The following CPS1 variants were observed in gnomAD, a reference collection of about 807,000 sequenced individuals.
CPS1 encodes carbamoyl-phosphate synthase 1.
Under a neutral mutation model 174.6 loss-of-function variants are expected in CPS1, and 109 were observed. The observed-to-expected ratio is 0.62, with a 90% CI of 0.53 to 0.73. The LOEUF (loss-of-function observed/expected upper bound fraction) is 0.73. Ranked by LOEUF, CPS1 falls within the 30% of genes least tolerant of loss-of-function variation. CPS1 has a pLI of 0.00. For missense variants in CPS1, 1,689 were observed against 1,821.9 expected (o/e 0.93, Z 1.33); for synonymous variants, 637 against 632.0 (o/e 1.01, Z -0.12).
At chr2:210,637,926 T>G in intron 22 of CPS1, 83 bp downstream of exon 22, 1 of 1,486,170 alleles carries the variant, frequency 6.7e-7, no homozygotes. Context: ...AAGGCCATTG[T>G]TAATAAAAAG....
At chr2:210,576,205 C>T (rs780891699) in intron 2 of CPS1, 141 bp from the exon 3 acceptor site, 23 of 970,376 alleles carry the variant, frequency 2.4e-5, no homozygotes, top group Non-Finnish European at 3.6e-5. Flanking sequence ...ATAACATTTC[C>T]CCAGGTACGT....
chr2:210,640,103 T>C (rs1308701914), intron 24 of CPS1, 44 bp downstream of exon 24: 1 of 1,187,346 alleles, frequency 8.4e-7, no homozygotes, highest in Non-Finnish European at 1.3e-6. Context: ...ACACAATTTA[T>C]ATAGTTTTCT....
At chr2:210,553,513 G>A (rs192422606), upstream of CPS1, among the ~76,000 whole-genome samples, 20 of 151,176 alleles carry the variant, frequency 1.3e-4, no homozygotes, top group Middle Eastern at 3.4e-3. Context: ...ATCAGAGAGT[G>A]ACTCATAAGT....
At position 210,599,493 on chromosome 2, in the gene CPS1, A is replaced by G. The variant is rs757500619; in HGVS notation, c.1481A>G (p.Glu494Gly). 2.5e-6 allele frequency: 4 copies of G among 1,612,610 alleles called. No individual in the cohort carries two copies. The highest frequency in any genetic ancestry group is 3.4e-6 in the Non-Finnish European group (4 of 1,179,080). The part of the protein sequence containing the change: ...FLPITPQFVT[E>G]VIKAEQPDGL... ...CCCATCACCCCTCAGTTTGTCACAG[A>G]GGTCATCAAGGCAGAACAGCCAGAT... The change falls in exon 14 of 38, where the codon GAG becomes GGG. Residue 494 changes from glutamate (E) to glycine (G), a missense_variant. Coordinates refer to ENST00000233072, the MANE Select transcript of CPS1 (RefSeq NM_001875.5).
intron 20 of CPS1, among the ~76,000 whole-genome samples, chr2:210,613,592 T>A (rs1009366119): frequency 6.6e-6 from 1 of 151,772 alleles, no homozygotes; most frequent in African/African-American, 2.4e-5. Flanking sequence ...ATATATAAAA[T>A]TTTTTTCTCA....
intron 1 of CPS1, among the ~76,000 whole-genome samples, chr2:210,496,726 C>T (rs1307368721): frequency 6.6e-6 from 1 of 152,288 alleles, no homozygotes; most frequent in African/African-American, 2.4e-5. Flanking sequence ...AGGCACACTT[C>T]CTCCTCAGGG....
At chr2:210,610,677 C>T (rs1574589649) in intron 19 of CPS1, among the ~76,000 whole-genome samples, 3 of 151,872 alleles carry the variant, frequency 2.0e-5, no homozygotes, top group Middle Eastern at 6.8e-3. Context: ...ACGACTTGAG[C>T]CCAGGGGGTC....
Position 210,677,954 on chromosome 2 carries a change from A to G in CPS1, c.4472A>G (p.Tyr1491Cys). 6.2e-7 allele frequency: 1 copy of G among 1,614,062 alleles called. No homozygotes were observed. Among genetic ancestry groups the G allele is most frequent in the Non-Finnish European group, 8.5e-7 (1 of 1,179,914 alleles). Residue 1491 changes from tyrosine (Y) to cysteine (C), a missense_variant, in exon 38 of 38, where the codon TAC becomes TGC. By Grantham distance (194) the Tyr-to-Cys change is radical. Coordinates refer to ENST00000233072, the MANE Select transcript of CPS1 (RefSeq NM_001875.5). ...RKVDSKSLFH[Y>C]RQYSAGKAA Reference sequence around the variant, plus strand: ...GTGGACTCCAAGAGTCTTTTCCACTACAGGCAGTACAGTGCTGGAAAAGCA... The same window carrying G: ...GTGGACTCCAAGAGTCTTTTCCACTGCAGGCAGTACAGTGCTGGAAAAGCA...
chr2:210,582,948 A>T (rs1450916874), intron 6 of CPS1, among the ~76,000 whole-genome samples: 1 of 152,112 alleles, frequency 6.6e-6, no homozygotes, highest in Non-Finnish European at 1.5e-5. Flanking sequence ...TACTAAATTT[A>T]GTGTTCCTTC....
At chr2:210,507,934 C>T (rs912773749) in intron 1 of CPS1, among the ~76,000 whole-genome samples, 1 of 151,766 alleles carries the variant, frequency 6.6e-6, no homozygotes, top group Non-Finnish European at 1.5e-5. Flanking sequence ...TAATGGGAGA[C>T]TTTAACACCC....
At chr2:210,604,297 T>G (rs1033743152) in intron 16 of CPS1, among the ~76,000 whole-genome samples, 1 of 151,840 alleles carries the variant, frequency 6.6e-6, no homozygotes, top group Non-Finnish European at 1.5e-5. Flanking sequence ...TTTGAAAAAA[T>G]TCAAACTGCT....
intron 1 of CPS1, among the ~76,000 whole-genome samples, chr2:210,523,296 T>G (rs990580879): frequency 6.6e-6 from 1 of 152,060 alleles, no homozygotes; most frequent in Admixed American, 6.6e-5. Context: ...CTAACAACTT[T>G]GGGGGATACT....
At chr2:210,513,734 T>C (rs1291174641) in intron 1 of CPS1, among the ~76,000 whole-genome samples, 1 of 152,078 alleles carries the variant, frequency 6.6e-6, no homozygotes, top group Non-Finnish European at 1.5e-5. Context: ...GCAAGTGCTT[T>C]TGAGGACTTA....
intron 11 of CPS1, 25 bp downstream of exon 11, chr2:210,592,981 T>G (rs757854317): frequency 1.9e-6 from 3 of 1,593,532 alleles, no homozygotes; most frequent in East Asian, 2.2e-5. Context: ...TGAGGCCTAT[T>G]ATGTATGCAA....
chr2:210,590,266 T>C (rs968898674), intron 8 of CPS1, 32 bp downstream of exon 8: 6 of 1,611,952 alleles, frequency 3.7e-6, no homozygotes, highest in Non-Finnish European at 5.1e-6. Flanking sequence ...TGTGTATCTG[T>C]GTGGGAGGTG....
chr2:210,550,441 T>C (rs1278993538), intron 1 of CPS1, among the ~76,000 whole-genome samples: 2 of 152,010 alleles, frequency 1.3e-5, no homozygotes. Flanking sequence ...TGCAACTTAC[T>C]AGCTGTGTGA....
At chr2:210,651,096 T>C (rs1574642581) in intron 28 of CPS1, among the ~76,000 whole-genome samples, 1 of 152,094 alleles carries the variant, frequency 6.6e-6, no homozygotes, top group East Asian at 1.9e-4. Context: ...TCTTGTATTG[T>C]AGAGGATAAA....
chr2:210,673,434 G>C (rs1182480917), intron 34 of CPS1: 1 of 152,216 alleles, frequency 6.6e-6, no homozygotes, highest in Non-Finnish European at 1.5e-5. Context: ...GGAAGGTAGG[G>C]GCTGGACACT....
chr2:210,570,159 G>A (rs1050642404), intron 1 of CPS1, among the ~76,000 whole-genome samples: 4 of 151,918 alleles, frequency 2.6e-5, no homozygotes, highest in African/African-American at 9.7e-5. Context: ...TATATAGAGA[G>A]TACTTTAGGC....
Sources: gnomAD v4.1 joint callset for allele counts (sites outside exome capture counted in the v4.1 genomes callset) on GRCh38, gnomAD v4.1.1 for gene constraint, MANE v1.5 for transcripts, NCBI Gene and HGNC (gene_info 2026-07-23, HGNC 2026-07-21) for gene names.